The following RSRP1 variants were observed in gnomAD, a reference collection of about 807,000 sequenced individuals.
The protein encoded by RSRP1 is arginine and serine rich protein 1.
RSRP1 carries 37 observed loss-of-function variants against 33.0 expected under a neutral mutation model. The ratio of observed to expected loss-of-function variants is 1.12; its 90% confidence interval spans 0.86 to 1.48. RSRP1 has a LOEUF of 1.48. Among genes scored for constraint, RSRP1 ranks in the 40% most tolerant of loss-of-function variants. The probability of loss-of-function intolerance (pLI) is 0.00; values close to 1 mark genes in which losing one functional copy is unlikely to be tolerated. For synonymous variants in RSRP1, 167 were observed against 158.7 expected (o/e 1.05, Z -0.40); for missense variants, 402 against 385.3 (o/e 1.04, Z -0.36).
intron 1 of RSRP1, among the ~76,000 whole-genome samples, chr1:25,278,102 G>C (rs28694522): frequency 0.015 from 1,990 of 130,112 alleles, 288 homozygotes; most frequent in African/African-American, 0.049. Flanking sequence ...AATGACTACT[G>C]GTCTGGATGA....
In RSRP1 at chr1:25,247,031, TAA is replaced by T; in HGVS notation, c.-66-4_-66-3del. On this transcript the variant is annotated splice_polypyrimidine_tract_variant and splice_region_variant and intron_variant, in intron 1 of 4. Coordinates refer to ENST00000243189, the MANE Select transcript of RSRP1 (RefSeq NM_020317.5). ...CCGCAAGCCTCAACTCAGGACTTCC[TAA>T]AAAACCAAGAGAGAAAAAACAAGTC... The T allele has an allele frequency of 7.1e-7, 1 of 1,409,112 alleles. No individual in the cohort carries two copies. The highest frequency in any genetic ancestry group is 1.6e-5 in the South Asian group (1 of 62,928). The allele number at this position is 1,409,112 out of a possible 1,614,324, so 87.3% of individuals were successfully genotyped here. A position where few individuals can be genotyped will look rare whatever the true frequency, so the allele number is the denominator to read the frequency against.
Position 25,301,013 on chromosome 1 carries a change from G to A in RSRP1, c.-67+36965C>T, listed in dbSNP as rs1199559517. 2 of 1,376,386 alleles carry A rather than the reference G, an allele frequency of 1.5e-6. 1 individual carries two copies. The highest frequency in any genetic ancestry group is 2.9e-5 in the African/African-American group (2 of 68,334). The allele number at this position is 1,376,386 out of a possible 1,614,324, so 85.3% of individuals were successfully genotyped here. On this transcript the variant is annotated intron_variant, in intron 1 of 1. Coordinates refer to the RSRP1 transcript ENST00000561867. ...GCCTATTTTGGGCTGTCTGTGGCCT[G>A]GTGCCTGCCAAAGCCTCTACCCGAG...
At chr1:25,311,674 A>C (rs1238653938) in intron 1 of RSRP1, among the ~76,000 whole-genome samples, 2 of 129,992 alleles carry the variant, frequency 1.5e-5, no homozygotes, top group East Asian at 2.0e-4. Flanking sequence ...CTAAGAGGGC[A>C]GAATGGTTTG....
intron 1 of RSRP1, among the ~76,000 whole-genome samples, chr1:25,265,595 G>A (rs1640291144): frequency 2.7e-5 from 1 of 37,230 alleles, no homozygotes; most frequent in Non-Finnish European, 6.1e-5. Flanking sequence ...AGCCTCCCGA[G>A]TAGTTGGGAT....
At chr1:25,307,054 G>C (rs1643888703) in intron 1 of RSRP1, 2 of 337,772 alleles carry the variant, frequency 5.9e-6, no homozygotes, top group East Asian at 1.2e-4. Context: ...GTGATGCAGA[G>C]CTTTGCTGTG....
chr1:25,306,981 G>A (rs1643885460), intron 1 of RSRP1: 2 of 439,900 alleles, frequency 4.5e-6, no homozygotes, highest in East Asian at 7.5e-5. Context: ...GAAATCTTTT[G>A]TGATCCCACA....
chr1:25,276,202 T>C lies in RSRP1; in HGVS notation c.-66-29173A>G, dbSNP rs1402142193. ...AAGCATGGTGGGTTGTTTTTGTTTT[T>C]GTTTTTTAAGTCTCCATCTGTTAGA... On this transcript the variant is annotated intron_variant, in intron 1 of 1. Transcript: ENST00000561867. Among the ~76,000 whole-genome samples the C allele has an allele frequency of 3.8e-5, 5 of 131,216 alleles. 1 individual carries two copies. Among genetic ancestry groups the C allele is most frequent in the Non-Finnish European group, 7.2e-5 (4 of 55,718 alleles). The allele number at this position is 131,216 out of a possible 152,430, so 86.1% of individuals were successfully genotyped here. A position where few individuals can be genotyped will look rare whatever the true frequency, so the allele number is the denominator to read the frequency against.
chr1:25,277,710 C>G (rs1641132793), intron 1 of RSRP1, among the ~76,000 whole-genome samples: 1 of 126,170 alleles, frequency 7.9e-6, no homozygotes, highest in Non-Finnish European at 1.9e-5. Context: ...GAGTTTTGCT[C>G]TTATTGCCCA....
rs1242213324 is a variant in RSRP1 at position 25,303,371 on chromosome 1, C to T, written c.-67+34607G>A. 27 of 1,376,054 alleles carry T rather than the reference C, an allele frequency of 2.0e-5. 7 individuals are homozygous for T. Among genetic ancestry groups the T allele is most frequent in the African/African-American group, 2.8e-5 (2 of 70,278 alleles). 85.2% of individuals were successfully genotyped at this position (1,376,054 alleles called of 1,614,324 possible). On this transcript the variant is annotated intron_variant, in intron 1 of 1. Transcript: ENST00000561867. Reference sequence around the variant, plus strand: ...GCAGGAGGCGTGGCTGTGGGTACCTCGTGTCACCTGATCCCTTCTCCGTGG... The same window carrying T: ...GCAGGAGGCGTGGCTGTGGGTACCTTGTGTCACCTGATCCCTTCTCCGTGG...
In RSRP1 at chr1:25,272,647, T is replaced by C. The variant is rs757422044; in HGVS notation, c.-66-25618A>G. Reference sequence around the variant, plus strand: ...TCTCCTCTTCTATTTTTTTACCCACTATGACGCTTCCTTAGAGGATCAAAA... The same window carrying C: ...TCTCCTCTTCTATTTTTTTACCCACCATGACGCTTCCTTAGAGGATCAAAA... On this transcript the variant is annotated intron_variant, in intron 1 of 1. Transcript: ENST00000561867. 1.9e-6 allele frequency: 3 copies of C among 1,569,752 alleles called. No homozygotes were observed. The Admixed American group carries it at 5.2e-5, about 27-fold the overall frequency.
At position 25,280,490 on chromosome 1, in the gene RSRP1, G is replaced by T. The variant is rs1641389393; in HGVS notation, c.-66-33461C>A. Reference sequence around the variant, plus strand: ...CAGGCTAATTTTTGTATTTTTAGTAGAGACGGGGTTTCACCATGTTGGCCA... The same window carrying T: ...CAGGCTAATTTTTGTATTTTTAGTATAGACGGGGTTTCACCATGTTGGCCA... On this transcript the variant is annotated intron_variant, in intron 1 of 1. Coordinates refer to the RSRP1 transcript ENST00000561867. Among the ~76,000 whole-genome samples the T allele has an allele frequency of 1.6e-5, 2 of 128,260 alleles. 1 individual carries two copies. Among genetic ancestry groups the T allele is most frequent in the Non-Finnish European group, 3.7e-5 (2 of 54,270 alleles). The allele number at this position is 128,260 out of a possible 152,430, so 84.1% of individuals were successfully genotyped here. A position where few individuals can be genotyped will look rare whatever the true frequency, so the allele number is the denominator to read the frequency against.
At chr1:25,251,206 A>G (rs1204608537), upstream of RSRP1, among the ~76,000 whole-genome samples, 1 of 152,046 alleles carries the variant, frequency 6.6e-6, no homozygotes, top group African/African-American at 2.4e-5. Context: ...AGAGCCTCCA[A>G]AAAGAAACAA....
At chr1:25,318,063 C>T (rs1193926579) in intron 1 of RSRP1, 1 of 131,094 alleles carries the variant, frequency 7.6e-6, no homozygotes, top group Non-Finnish European at 1.8e-5. Context: ...TGGCTCATAC[C>T]TGTAATTGCA....
At position 25,316,633 on chromosome 1, in the gene RSRP1, AAAAG is replaced by A. The variant is rs1384406969; in HGVS notation, c.-67+21341_-67+21344del. 1.2e-4 allele frequency among the ~76,000 whole-genome samples: 14 copies of A among 120,678 alleles called. 1 individual carries two copies. Among genetic ancestry groups the A allele is most frequent in the African/African-American group, 3.8e-4 (14 of 36,434 alleles). 79.2% of individuals were successfully genotyped at this position (120,678 alleles called of 152,430 possible). ...AACAAAAACAGAAAAAAAAAAAAAA[AAAAG>A]AGAGAGAGAGAAAACTGGAGGCTCT... On this transcript the variant is annotated intron_variant, in intron 1 of 1. Coordinates refer to the RSRP1 transcript ENST00000561867.
At chr1:25,243,030 G>C (rs1043368823) in intron 4 of RSRP1, among the ~76,000 whole-genome samples, 1 of 152,058 alleles carries the variant, frequency 6.6e-6, no homozygotes, top group African/African-American at 2.4e-5. Flanking sequence ...GCAGGCAGAA[G>C]CTGCAGTGAG....
intron 1 of RSRP1, among the ~76,000 whole-genome samples, chr1:25,291,877 A>G (rs1306589923): frequency 7.5e-6 from 1 of 132,634 alleles, no homozygotes; most frequent in African/African-American, 2.6e-5. Flanking sequence ...CCCATCTCAT[A>G]GGTGAGAAAG....
chr1:25,272,826 T>G, intron 1 of RSRP1: 1 of 1,151,506 alleles, frequency 8.7e-7, no homozygotes, highest in East Asian at 2.3e-5. Flanking sequence ...CCCATCTTCT[T>G]CCGTAGATTG....
intron 1 of RSRP1, among the ~76,000 whole-genome samples, chr1:25,292,647 T>C (rs534265762): frequency 3.1e-5 from 4 of 127,090 alleles, no homozygotes; most frequent in African/African-American, 8.0e-5. Flanking sequence ...AGGGTTAAGG[T>C]TGGGGGAGGG....
upstream of RSRP1, among the ~76,000 whole-genome samples, chr1:25,252,174 G>A (rs1439766738): frequency 1.3e-5 from 2 of 150,666 alleles, no homozygotes; most frequent in Admixed American, 1.3e-4. Flanking sequence ...AGTGATTCTC[G>A]TGCCTCAGCC....
Sources: gnomAD v4.1 joint callset for allele counts (sites outside exome capture counted in the v4.1 genomes callset) on GRCh38, gnomAD v4.1.1 for gene constraint, MANE v1.5 for transcripts, NCBI Gene and HGNC (gene_info 2026-07-23, HGNC 2026-07-21) for gene names.